SCAND3: variants seen among roughly 807,000 people sequenced by gnomAD.
SCAND3 encodes SCAN domain-containing protein 3.
the SCAND3 span, chr6:28,586,507 T>G: frequency 1.2e-6 from 2 of 1,614,252 alleles, no homozygotes; most frequent in Non-Finnish European, 1.7e-6. The surrounding 1 kb of genome is among the most constrained non-coding windows in gnomAD (Gnocchi z 4.4). Context: ...CGCAGTTGAC[T>G]CAGAGCCTCC....
the SCAND3 span, among the ~76,000 whole-genome samples, chr6:28,581,399 G>T: frequency 6.6e-6 from 1 of 152,128 alleles, no homozygotes; most frequent in Non-Finnish European, 1.5e-5. Flanking sequence ...AGTAAATATT[G>T]CTGTGTTCAT....
the SCAND3 span, chr6:28,575,636 A>G: frequency 6.2e-7 from 1 of 1,614,088 alleles, no homozygotes; most frequent in Non-Finnish European, 8.5e-7. This position sits in a 1 kb window ranked among gnomAD's most constrained non-coding sequence, Gnocchi z 4.2. Context: ...TTGAGTTTTG[A>G]ATTTTTCTGT....
the SCAND3 span, chr6:28,575,333 T>C: frequency 1.2e-6 from 2 of 1,614,086 alleles, no homozygotes; most frequent in Non-Finnish European, 1.7e-6. The surrounding 1 kb of genome is among the most constrained non-coding windows in gnomAD (Gnocchi z 4.2). Context: ...TGGACAATTT[T>C]CAATTCTGGC....
the SCAND3 span, among the ~76,000 whole-genome samples, chr6:28,588,329 A>G: frequency 6.6e-6 from 1 of 152,310 alleles, no homozygotes; most frequent in East Asian, 1.9e-4. This position sits in a 1 kb window ranked among gnomAD's most constrained non-coding sequence, Gnocchi z 4.1. Context: ...TCTGCAAGGC[A>G]GTGATCTCTG....
At chr6:28,579,484 G>T in the SCAND3 span, 2 of 1,373,042 alleles carry the variant, frequency 1.5e-6, no homozygotes, top group African/African-American at 1.5e-5. The surrounding 1 kb of genome is among the most constrained non-coding windows in gnomAD (Gnocchi z 4.5). Flanking sequence ...AGCTAAACTT[G>T]TATTCTTCCA....
the SCAND3 span, chr6:28,574,951 G>C: frequency 6.2e-7 from 1 of 1,613,718 alleles, no homozygotes; most frequent in Non-Finnish European, 8.5e-7. Flanking sequence ...CACCTTAGGA[G>C]TGACAGAAAG....
At chr6:28,575,822 T>C in the SCAND3 span, 1 of 1,614,056 alleles carries the variant, frequency 6.2e-7, no homozygotes, top group Non-Finnish European at 8.5e-7. This position sits in a 1 kb window ranked among gnomAD's most constrained non-coding sequence, Gnocchi z 4.2. Flanking sequence ...ATTTTATCTG[T>C]TTCCCCATTT....
At chr6:28,599,263 C>A in the SCAND3 span, among the ~76,000 whole-genome samples, 3 of 152,166 alleles carry the variant, frequency 2.0e-5, no homozygotes, top group East Asian at 5.8e-4. Flanking sequence ...TCAACACAAT[C>A]CTAATGAAAA....
At chr6:28,613,953 C>T in the SCAND3 span, among the ~76,000 whole-genome samples, 9 of 151,716 alleles carry the variant, frequency 5.9e-5, no homozygotes, top group African/African-American at 2.2e-4. Context: ...AACAATTCCA[C>T]TTTCTTTTCT....
chr6:28,575,251 G>C, the SCAND3 span: 1 of 1,613,880 alleles, frequency 6.2e-7, no homozygotes, highest in African/African-American at 1.3e-5. The surrounding 1 kb of genome is among the most constrained non-coding windows in gnomAD (Gnocchi z 4.2). Context: ...TTGCATCCAG[G>C]AGAAAATCCT....
At chr6:28,587,063 G>C in the SCAND3 span, 1 of 252,282 alleles carries the variant, frequency 4.0e-6, no homozygotes, top group African/African-American at 2.2e-5. Context: ...ATAAAGCCTG[G>C]GTGTATGAGC....
At chr6:28,612,071 C>CT in the SCAND3 span, among the ~76,000 whole-genome samples, 1 of 151,626 alleles carries the variant, frequency 6.6e-6, no homozygotes, top group East Asian at 1.9e-4. Context: ...GAGTCTCACT[C>CT]TGTTTCCCAG....
the SCAND3 span, among the ~76,000 whole-genome samples, chr6:28,600,369 A>G: frequency 6.6e-6 from 1 of 152,342 alleles, no homozygotes; most frequent in East Asian, 1.9e-4. Flanking sequence ...GTGGTGGCTC[A>G]TGCCTGTAAT....
chr6:28,581,730 C>T, the SCAND3 span, among the ~76,000 whole-genome samples: 2 of 152,142 alleles, frequency 1.3e-5, no homozygotes, highest in East Asian at 3.8e-4. Context: ...TAAAAGCTTC[C>T]CCAGGAACCT....
At chr6:28,585,069 T>C in the SCAND3 span, 4 of 152,268 alleles carry the variant, frequency 2.6e-5, no homozygotes, top group Non-Finnish European at 5.9e-5. Flanking sequence ...TTCATAACAC[T>C]GGCAGTTGTT....
chr6:28,582,749 C>A, the SCAND3 span, among the ~76,000 whole-genome samples: 1 of 151,656 alleles, frequency 6.6e-6, no homozygotes, highest in Non-Finnish European at 1.5e-5. This position sits in a 1 kb window ranked among gnomAD's most constrained non-coding sequence, Gnocchi z 4.8. Context: ...GGTGAAGCCA[C>A]GTCTCTACTA....
At chr6:28,611,931 C>T in the SCAND3 span, among the ~76,000 whole-genome samples, 4 of 152,184 alleles carry the variant, frequency 2.6e-5, no homozygotes, top group Non-Finnish European at 5.9e-5. Flanking sequence ...CGTTTCCCTT[C>T]TCACCTCTAA....
At chr6:28,613,794 CA>C in the SCAND3 span, among the ~76,000 whole-genome samples, 2 of 152,078 alleles carry the variant, frequency 1.3e-5, no homozygotes, top group Non-Finnish European at 2.9e-5. Context: ...CACAGCAAAA[CA>C]AAATCCACAA....
chr6:28,575,933 C>T, the SCAND3 span: 2 of 1,613,558 alleles, frequency 1.2e-6, no homozygotes, highest in African/African-American at 1.3e-5. The surrounding 1 kb of genome is among the most constrained non-coding windows in gnomAD (Gnocchi z 4.2). Flanking sequence ...GCTTTAGCTT[C>T]TTTCACTTCC....
Sources: gnomAD v4.1 joint callset for allele counts (sites outside exome capture counted in the v4.1 genomes callset) on GRCh38, gnomAD v4.1.1 for gene constraint, Gnocchi (gnomAD v3.1) non-coding constraint, MANE v1.5 for transcripts, NCBI Gene and HGNC (gene_info 2026-07-23, HGNC 2026-07-21) for gene names.